The following SHANK2 variants were observed in gnomAD, a reference collection of about 807,000 sequenced individuals.
The protein encoded by SHANK2 is SH3 and multiple ankyrin repeat domains protein 2.
SHANK2 carries 43 observed loss-of-function variants against 133.7 expected under a neutral mutation model. The observed-to-expected ratio is 0.32, with a 90% confidence interval of 0.25 to 0.41. SHANK2 has a LOEUF of 0.41. Ranked by LOEUF, SHANK2 falls within the 10% of genes least tolerant of loss-of-function variation. The probability of loss-of-function intolerance (pLI) is 1.00; values close to 1 mark genes in which losing one functional copy is unlikely to be tolerated. For missense variants in SHANK2, 1,994 were observed against 2,235.8 expected (o/e 0.89, Z 2.18); for synonymous variants, 1,017 against 952.8 (o/e 1.07, Z -1.24).
chr11:71,090,261 CTCTG>C (rs1439999254), intron 8 of SHANK2, among the ~76,000 whole-genome samples: 1 of 19,572 alleles, frequency 5.1e-5, no homozygotes, highest in African/African-American at 1.8e-4. Context: ...GAAACACAAC[CTCTG>C]TGTGTGTGTG....
chr11:70,684,917 G>T (rs1397296402), intron 15 of SHANK2, among the ~76,000 whole-genome samples: 4 of 152,198 alleles, frequency 2.6e-5, no homozygotes, highest in Non-Finnish European at 5.9e-5. Context: ...AAATGCAAAG[G>T]TGAGGATAAT....
At chr11:71,066,428 A>T (rs1347098538) in intron 9 of SHANK2, among the ~76,000 whole-genome samples, 3 of 151,866 alleles carry the variant, frequency 2.0e-5, no homozygotes, top group Non-Finnish European at 4.4e-5. Flanking sequence ...AAGCCAAGGA[A>T]CTTCTGGAGA....
intron 17 of SHANK2, among the ~76,000 whole-genome samples, chr11:70,612,713 C>G (rs2060677305): frequency 6.6e-6 from 1 of 152,264 alleles, no homozygotes; most frequent in Admixed American, 6.5e-5. Flanking sequence ...CTCTATCTAG[C>G]ACTCACTGTC....
intron 14 of SHANK2, among the ~76,000 whole-genome samples, chr11:70,740,673 G>A (rs529482992): frequency 1.3e-5 from 2 of 152,124 alleles, no homozygotes; most frequent in African/African-American, 4.8e-5. Context: ...GATTACCCGG[G>A]GTCTTTTGTC....
chr11:70,859,778 AC>A (rs1466892416), intron 11 of SHANK2, among the ~76,000 whole-genome samples: 3 of 152,040 alleles, frequency 2.0e-5, no homozygotes, highest in African/African-American at 7.2e-5. Flanking sequence ...GATTGGTTCT[AC>A]CCTCGAGGCT....
At position 70,804,009 on chromosome 11, in the gene SHANK2, G is replaced by C. The variant is rs1047901381; in HGVS notation, c.1663+2993C>G. On this transcript the variant is annotated intron_variant, in intron 13 of 25. Coordinates refer to ENST00000601538, the MANE Select transcript of SHANK2 (RefSeq NM_012309.5). The surrounding 1 kb of genome is among the most constrained non-coding windows in gnomAD (Gnocchi z 4.1). ...GTAAATTAACCTTCTGAAAGAGCCAGGAGCAGCAGTGTTATCAGCAGGACC... is the reference window on the plus strand; with the variant it reads ...GTAAATTAACCTTCTGAAAGAGCCACGAGCAGCAGTGTTATCAGCAGGACC... Among the ~76,000 whole-genome samples, 4 of 152,134 alleles carry C rather than the reference G, an allele frequency of 2.6e-5. No individual in the cohort carries two copies. The highest frequency in any genetic ancestry group is 9.7e-5 in the African/African-American group (4 of 41,448).
chr11:70,670,032 G>C (rs950761025), intron 15 of SHANK2, among the ~76,000 whole-genome samples: 2 of 152,236 alleles, frequency 1.3e-5, no homozygotes, highest in African/African-American at 2.4e-5. Context: ...TGGAATGCAG[G>C]GGGGTGGAGC....
chr11:70,747,910 C>T (rs1370325676), intron 14 of SHANK2, among the ~76,000 whole-genome samples: 4 of 152,044 alleles, frequency 2.6e-5, no homozygotes, highest in South Asian at 2.1e-4. Context: ...CATGAGCATA[C>T]GTGTATGTGC....
At chr11:71,079,796 A>G (rs1242717757) in intron 8 of SHANK2, among the ~76,000 whole-genome samples, 10 of 140,072 alleles carry the variant, frequency 7.1e-5, no homozygotes, top group Admixed American at 2.9e-4. Flanking sequence ...AAGAGAGAGA[A>G]GAGAGAGAGA....
At chr11:70,859,130 C>A (rs578164720) in intron 11 of SHANK2, among the ~76,000 whole-genome samples, 2 of 151,798 alleles carry the variant, frequency 1.3e-5, no homozygotes, top group South Asian at 4.2e-4. Flanking sequence ...ATGGATAGGT[C>A]GGTGGATGAA....
At chr11:70,953,270 G>T (rs1950871877) in intron 10 of SHANK2, among the ~76,000 whole-genome samples, 1 of 151,996 alleles carries the variant, frequency 6.6e-6, no homozygotes, top group African/African-American at 2.4e-5. Context: ...TTAAATCAGG[G>T]ATCTCCAGAG....
At chr11:70,536,060 C>G (rs1554974144) in intron 17 of SHANK2, among the ~76,000 whole-genome samples, 2 of 152,234 alleles carry the variant, frequency 1.3e-5, no homozygotes, top group Non-Finnish European at 2.9e-5. Context: ...GTGGACACAC[C>G]TGCACCCCCA....
At chr11:70,556,828 G>A (rs2059838489) in intron 17 of SHANK2, among the ~76,000 whole-genome samples, 2 of 152,090 alleles carry the variant, frequency 1.3e-5, no homozygotes, top group Admixed American at 6.6e-5. Flanking sequence ...CTGGCCTCAA[G>A]TGATCCGCCC....
intron 15 of SHANK2, among the ~76,000 whole-genome samples, chr11:70,675,124 G>A (rs1944883542): frequency 6.6e-6 from 1 of 152,176 alleles, no homozygotes; most frequent in South Asian, 2.1e-4. Flanking sequence ...GGTTCAGAAG[G>A]ATCACATGGG....
At chr11:70,735,768 C>T (rs1555033402) in intron 14 of SHANK2, among the ~76,000 whole-genome samples, 1 of 151,720 alleles carries the variant, frequency 6.6e-6, no homozygotes, top group Non-Finnish European at 1.5e-5. Flanking sequence ...TCTCCCAGTG[C>T]TCACTGGCCC....
intron 11 of SHANK2, among the ~76,000 whole-genome samples, chr11:70,876,180 A>G (rs1354424334): frequency 2.0e-5 from 3 of 151,834 alleles, no homozygotes; most frequent in Non-Finnish European, 4.4e-5. Flanking sequence ...ATATACATAT[A>G]TACACACACG....
At chr11:70,654,277 G>C (rs1339244685) in intron 17 of SHANK2, 1 of 152,206 alleles carries the variant, frequency 6.6e-6, no homozygotes, top group Non-Finnish European at 1.5e-5. Context: ...GCCCAGGAAG[G>C]CTTTTTCCTC....
chr11:70,781,435 T>C (rs1198630177), intron 14 of SHANK2, among the ~76,000 whole-genome samples: 1 of 150,568 alleles, frequency 6.6e-6, no homozygotes, highest in Non-Finnish European at 1.5e-5. Flanking sequence ...AGCCTTAAGT[T>C]AAGGAGCCTG....
intron 11 of SHANK2, chr11:70,826,753 C>T (rs922552805): frequency 9.8e-6 from 3 of 304,610 alleles, no homozygotes; most frequent in Admixed American, 8.4e-5. Flanking sequence ...CTCTCAAACC[C>T]GGCTACCTCT....
Sources: gnomAD v4.1 joint callset for allele counts (sites outside exome capture counted in the v4.1 genomes callset) on GRCh38, gnomAD v4.1.1 for gene constraint, Gnocchi (gnomAD v3.1) non-coding constraint, MANE v1.5 for transcripts, NCBI Gene and HGNC (gene_info 2026-07-23, HGNC 2026-07-21) for gene names.